Variants in PHACTR2 observed in about 807,000 individuals in gnomAD.
PHACTR2 encodes phosphatase and actin regulator 2.
In PHACTR2, 30 loss-of-function variants were observed where a neutral mutation model predicts 76.0. The observed-to-expected ratio is 0.39, with a 90% CI of 0.30 to 0.54. PHACTR2 has a LOEUF of 0.54. Ranked by LOEUF, PHACTR2 falls within the 20% of genes least tolerant of loss-of-function variation. PHACTR2 has a pLI of 0.61. For missense variants in PHACTR2, 696 were observed against 781.1 expected, an observed-to-expected ratio of 0.89 and a Z score of 1.30; for synonymous variants, 292 against 292.5, an observed-to-expected ratio of 1.00 and a Z score of 0.02.
intron 1 of PHACTR2, among the ~76,000 whole-genome samples, chr6:143,579,719 G>A (rs987079657): frequency 9.2e-5 from 14 of 151,958 alleles, no homozygotes; most frequent in African/African-American, 3.4e-4. Flanking sequence ...ACGATCAGCG[G>A]GAAGAATGAG....
In PHACTR2 at chr6:143,570,713, G is replaced by T. The variant is rs1775436833; in HGVS notation, c.217+33506G>T. ...ATCAGTCCTTTGCACAGCAGCCATGGCCAGCGTGAGGTGCATGTGCAAGTG... is the reference window on the plus strand; with the variant it reads ...ATCAGTCCTTTGCACAGCAGCCATGTCCAGCGTGAGGTGCATGTGCAAGTG... On this transcript the variant is annotated intron_variant, in intron 1 of 11. Transcript: ENST00000367584. The surrounding 1 kb of genome is among the most constrained non-coding windows in gnomAD (Gnocchi z 4.6). 6.6e-6 allele frequency among the ~76,000 whole-genome samples: 1 copy of T among 152,078 alleles called. No homozygotes were observed. Among genetic ancestry groups the T allele is most frequent in the Non-Finnish European group, 1.5e-5 (1 of 68,016 alleles).
chr6:143,728,484 G>A (rs73579886), intron 2 of PHACTR2, among the ~76,000 whole-genome samples: 18,266 of 151,694 alleles, frequency 0.12, 1,763 homozygotes, highest in African/African-American at 0.26. Context: ...TTTCACAGAC[G>A]TAGAAAAATT....
rs935189566 is a variant in PHACTR2, at chr6:143,826,607, A to G, written c.*2918A>G. 1 of 152,200 alleles carries G rather than the reference A, an allele frequency of 6.6e-6. No homozygotes were observed. Among genetic ancestry groups the G allele is most frequent in the Non-Finnish European group, 1.5e-5 (1 of 68,032 alleles). The allele number at this position is 152,200 out of a possible 1,614,324, so 9.4% of individuals were successfully genotyped here. A position where few individuals can be genotyped will look rare whatever the true frequency, so the allele number is the denominator to read the frequency against. On this transcript the variant is annotated 3_prime_UTR_variant, in exon 13 of 13. Transcript: ENST00000440869. ...TAGTTTTTTTATTGGAGAATAAAACATTAATATTAGGGTATTAAGAAGATG... is the reference window on the plus strand; with the variant it reads ...TAGTTTTTTTATTGGAGAATAAAACGTTAATATTAGGGTATTAAGAAGATG...
At position 143,777,287 on chromosome 6, in the gene PHACTR2, C is replaced by T. The variant is rs12210406; in HGVS notation, c.1590-41C>T. 4,218 of 1,099,274 alleles carry T rather than the reference C, an allele frequency of 3.8e-3. 32 individuals are homozygous for T. The highest frequency in any genetic ancestry group is 4.6e-3 in the Non-Finnish European group (3,352 of 731,340). The allele number at this position is 1,099,274 out of a possible 1,614,324, so 68.1% of individuals were successfully genotyped here. The stretch of plus-strand genomic sequence containing the variant: ...TTATTCTGAGTCTCCTACTAGGGTA[C>T]CTTGTTTTTAACCTGTAATATATCC... On this transcript the variant is annotated intron_variant, in intron 8 of 12. Transcript: ENST00000440869. This position sits in a 1 kb window ranked among gnomAD's most constrained non-coding sequence, Gnocchi z 4.6.
intron 12 of PHACTR2, chr6:143,810,437 AG>A (rs1776151397): frequency 3.6e-6 from 1 of 274,668 alleles, no homozygotes; most frequent in African/African-American, 2.3e-5. Context: ...GAGCATGCCT[AG>A]TCTACTCACT....
chr6:143,772,491 G>C lies in PHACTR2; in HGVS notation c.1432+34G>C. 2.0e-6 allele frequency: 3 copies of C among 1,512,260 alleles called. No individual in the cohort carries two copies. Among genetic ancestry groups the C allele is most frequent in the Non-Finnish European group, 2.7e-6 (3 of 1,093,374 alleles). 93.7% of individuals were successfully genotyped at this position (1,512,260 alleles called of 1,614,324 possible). On this transcript the variant is annotated intron_variant, in intron 7 of 12. Transcript: ENST00000440869. This position sits in a 1 kb window ranked among gnomAD's most constrained non-coding sequence, Gnocchi z 5.4. Reference sequence around the variant, plus strand: ...GTTTTCAAGAGGCAGGGAGGAGCGTGGGTGATAAGCAGAAGCAGCTGCAGT... The same window carrying C: ...GTTTTCAAGAGGCAGGGAGGAGCGTCGGTGATAAGCAGAAGCAGCTGCAGT...
rs1776168858 is a variant in PHACTR2, at chr6:143,811,290, A to G, written c.1922+4157A>G. Among the ~76,000 whole-genome samples the G allele has an allele frequency of 6.6e-6, 1 of 152,150 alleles. No individual in the cohort carries two copies. The highest frequency in any genetic ancestry group is 2.1e-4 in the South Asian group (1 of 4,832). ...TTATGTTCTAATGAGCTGTTTGTCT[A>G]TCCATGTCTATATCCTACTGTTTAA... On this transcript the variant is annotated intron_variant, in intron 12 of 12. Coordinates refer to ENST00000440869, the MANE Select transcript of PHACTR2 (RefSeq NM_001100164.2). The surrounding 1 kb of genome is among the most constrained non-coding windows in gnomAD (Gnocchi z 4.1).
At chr6:143,574,195 T>C (rs1017977667) in intron 1 of PHACTR2, among the ~76,000 whole-genome samples, 1 of 152,226 alleles carries the variant, frequency 6.6e-6, no homozygotes, top group Middle Eastern at 3.2e-3. Context: ...CTAGAGGCTC[T>C]CACTGTGGGC....
chr6:143,790,085 TTTTG>T (rs1233590637), intron 11 of PHACTR2, among the ~76,000 whole-genome samples: 1 of 151,888 alleles, frequency 6.6e-6, no homozygotes, highest in East Asian at 1.9e-4. Flanking sequence ...AGAGGGAGCA[TTTTG>T]GTGGCCTGAT....
chr6:143,749,687 T>C (rs748116267), intron 3 of PHACTR2, among the ~76,000 whole-genome samples: 15 of 152,178 alleles, frequency 9.9e-5, no homozygotes, highest in Non-Finnish European at 1.8e-4. Flanking sequence ...TGATCTTCTC[T>C]TTTTTTCTCT....
rs568618863 is a variant in PHACTR2 at position 143,746,860 on chromosome 6, C to T, written c.215-2125C>T. Reference sequence around the variant, plus strand: ...TAAAAAAAAAAAAAAGACTCTTTGCCCGGTTAACTTTTTTCATTGAAATTA... The same window carrying T: ...TAAAAAAAAAAAAAAGACTCTTTGCTCGGTTAACTTTTTTCATTGAAATTA... On this transcript the variant is annotated intron_variant, in intron 2 of 12. Coordinates refer to ENST00000440869, the MANE Select transcript of PHACTR2 (RefSeq NM_001100164.2). Among the ~76,000 whole-genome samples the T allele has an allele frequency of 1.5e-4, 23 of 152,050 alleles. No homozygotes were observed. The East Asian group carries it at 4.4e-3, about 29-fold the overall frequency.
In PHACTR2 at chr6:143,764,384, G is replaced by A. The variant is rs1562297835; in HGVS notation, c.695-877G>A. ...AAATACATTAAAGTTAGCCAGGCAT[G>A]GTGGTACACACCTGTAGTCCCAGCT... On this transcript the variant is annotated intron_variant, in intron 5 of 12. Coordinates refer to ENST00000440869, the MANE Select transcript of PHACTR2 (RefSeq NM_001100164.2). The surrounding 1 kb of genome is among the most constrained non-coding windows in gnomAD (Gnocchi z 4.7). 6.6e-6 allele frequency among the ~76,000 whole-genome samples: 1 copy of A among 152,024 alleles called. No homozygotes were observed.
chr6:143,777,428 C>G lies in PHACTR2; in HGVS notation c.1645+45C>G, dbSNP rs766536115. 1.0e-6 allele frequency: 1 copy of G among 1,002,564 alleles called. No homozygotes were observed. The highest frequency in any genetic ancestry group is 1.5e-6 in the Non-Finnish European group (1 of 660,204). 62.1% of individuals were successfully genotyped at this position (1,002,564 alleles called of 1,614,324 possible). On this transcript the variant is annotated intron_variant, in intron 9 of 12. Transcript: ENST00000440869. This position sits in a 1 kb window ranked among gnomAD's most constrained non-coding sequence, Gnocchi z 4.6. ...GAATGATTCCTTGTGTAATCGCTAACAAGCTGCCTCTACAGATGATCGATT... is the reference window on the plus strand; with the variant it reads ...GAATGATTCCTTGTGTAATCGCTAAGAAGCTGCCTCTACAGATGATCGATT...
At chr6:143,637,113 T>C (rs534586426) in intron 1 of PHACTR2, among the ~76,000 whole-genome samples, 1 of 152,206 alleles carries the variant, frequency 6.6e-6, no homozygotes, top group Non-Finnish European at 1.5e-5. Flanking sequence ...AGGGGTTGCA[T>C]AGTTTGGCAG....
At chr6:143,812,825 C>T (rs1480078491) in intron 12 of PHACTR2, among the ~76,000 whole-genome samples, 3 of 152,112 alleles carry the variant, frequency 2.0e-5, no homozygotes, top group South Asian at 2.1e-4. Flanking sequence ...ATTGCATTCT[C>T]GAAGGAGACC....
In PHACTR2 at chr6:143,790,803, G is replaced by A. The variant is rs1050651992; in HGVS notation, c.1845+1893G>A. Reference sequence around the variant, plus strand: ...ATTCTCCTGCTTCAGCCTCCCGAGTGGCTGGGACTACAGGCGCCCGCCACC... The same window carrying A: ...ATTCTCCTGCTTCAGCCTCCCGAGTAGCTGGGACTACAGGCGCCCGCCACC... On this transcript the variant is annotated intron_variant, in intron 11 of 12. Transcript: ENST00000440869. Among the ~76,000 whole-genome samples the A allele has an allele frequency of 3.3e-5, 5 of 151,716 alleles. No individual in the cohort carries two copies. In the East Asian group the frequency reaches 5.8e-4, roughly 18 times the overall value.
Position 143,821,259 on chromosome 6 carries a change from A to T in PHACTR2, c.1923-2415A>T, listed in dbSNP as rs1776412023. Among the ~76,000 whole-genome samples the T allele has an allele frequency of 6.6e-6, 1 of 152,258 alleles. No individual in the cohort carries two copies. Among genetic ancestry groups the T allele is most frequent in the Non-Finnish European group, 1.5e-5 (1 of 68,038 alleles). On this transcript the variant is annotated intron_variant, in intron 12 of 12. Transcript: ENST00000440869. The surrounding 1 kb of genome is among the most constrained non-coding windows in gnomAD (Gnocchi z 5.2). ...GTAATAAATTGCCTACCAGTTTTGT[A>T]AAGCTTGGTATATCTTATTTTTCTT...
Position 143,696,449 on chromosome 6 carries a change from C to A in PHACTR2, c.47-15567C>A, listed in dbSNP as rs1310477246. Among the ~76,000 whole-genome samples the A allele has an allele frequency of 1.3e-5, 2 of 152,098 alleles. No homozygotes were observed. Among genetic ancestry groups the A allele is most frequent in the Non-Finnish European group, 2.9e-5 (2 of 68,022 alleles). ...TCCATTTTTATTCCCCACAAAACCT[C>A]TTATCAGCCTTTTTCCACTTGCTTA... is the stretch of plus-strand genomic sequence containing the variant. On this transcript the variant is annotated intron_variant, in intron 1 of 12. Coordinates refer to ENST00000440869, the MANE Select transcript of PHACTR2 (RefSeq NM_001100164.2). This position sits in a 1 kb window ranked among gnomAD's most constrained non-coding sequence, Gnocchi z 4.1.
chr6:143,635,477 T>A (rs1422557241), intron 1 of PHACTR2, among the ~76,000 whole-genome samples: 1 of 152,220 alleles, frequency 6.6e-6, no homozygotes, highest in Non-Finnish European at 1.5e-5. Context: ...AAAATCTTGA[T>A]AGATACTGCC....
Sources: allele counts gnomAD v4.1 joint callset (sites outside exome capture counted in the v4.1 genomes callset), GRCh38; gene constraint gnomAD v4.1.1; non-coding constraint Gnocchi (gnomAD v3.1); transcripts MANE v1.5; gene names NCBI Gene and HGNC (gene_info 2026-07-23, HGNC 2026-07-21).